Variants in EIF1AD observed in about 807,000 individuals in gnomAD.
EIF1AD encodes eukaryotic translation initiation factor 1A domain containing.
Under a neutral mutation model 21.7 loss-of-function variants are expected in EIF1AD, and 9 were observed. The observed-to-expected ratio is 0.41, with a 90% CI of 0.25 to 0.72. The LOEUF is 0.72. Ranked by LOEUF, EIF1AD falls within the 30% of genes least tolerant of loss-of-function variation. The pLI is 0.29. For missense variants in EIF1AD, 164 were observed against 199.7 expected (o/e 0.82, Z 1.08); for synonymous variants, 78 against 70.9 (o/e 1.10, Z -0.50).
chr11:65,998,745 T>G lies in EIF1AD; in HGVS notation c.354-2A>C. ...GCTGGGAGTTCTGGTTGAGTTTGTC[T>G]GCACGAAGGGAAGAGAGCAGGGTTA... On this transcript the variant is annotated splice_acceptor_variant, in intron 5 of 5. Coordinates refer to ENST00000533544, the MANE Select transcript of EIF1AD (RefSeq NM_001242481.2). LOFTEE classifies it high-confidence loss of function. 6.2e-7 allele frequency: 1 copy of G among 1,614,060 alleles called. No homozygotes were observed. The highest frequency in any genetic ancestry group is 8.5e-7 in the Non-Finnish European group (1 of 1,179,964).
chr11:66,000,057 CTT>C lies in EIF1AD; in HGVS notation c.190_191del (p.Lys64GlufsTer8). On this transcript the variant is annotated frameshift_variant, in exon 3 of 6. Transcript: ENST00000533544. LOFTEE classifies it high-confidence loss of function. ...TTACAGGAGTAATCCTCTCACCTCT[CTT>C]GATCCAGATGTTCTTGCGGTATTTG... ...PSKYRKNIWI[K>X]RGDFLIVDPI... The C allele has an allele frequency of 6.2e-7, 1 of 1,613,052 alleles. No individual in the cohort carries two copies. Among genetic ancestry groups the C allele is most frequent in the Non-Finnish European group, 8.5e-7 (1 of 1,179,020 alleles).
Position 65,999,661 on chromosome 11 carries a change from CAAT to C in EIF1AD, c.208_210del (p.Ile70del). ...TTTTCTCCCTCTTCAATGGGGTCAA[CAAT>C]GAGAAAGTCCCCTGTAGATAAGAAG... On this transcript the variant is annotated inframe_deletion, in exon 4 of 6. Transcript: ENST00000533544. 1 of 1,613,822 alleles carries C rather than the reference CAAT, an allele frequency of 6.2e-7. No homozygotes were observed. Among genetic ancestry groups the C allele is most frequent in the Non-Finnish European group, 8.5e-7 (1 of 1,179,720 alleles).
Position 66,000,293 on chromosome 11 carries a change from C to G in EIF1AD, c.87+10G>C, listed in dbSNP as rs373542164. On this transcript the variant is annotated intron_variant, in intron 2 of 5. Coordinates refer to ENST00000533544, the MANE Select transcript of EIF1AD (RefSeq NM_001242481.2). The stretch of plus-strand genomic sequence containing the variant: ...GGGGAGCAGAACAGCTTGTGCCCCA[C>G]GCCACTCACCCTGACAATCTGCTGC... 4 of 1,613,408 alleles carry G rather than the reference C, an allele frequency of 2.5e-6. No individual in the cohort carries two copies. In the East Asian group the frequency reaches 6.7e-5, roughly 27 times the overall value.
At position 66,000,422 on chromosome 11, in the gene EIF1AD, G is replaced by C; in HGVS notation, c.-33C>G. On this transcript the variant is annotated 5_prime_UTR_variant, in exon 2 of 6. Coordinates refer to ENST00000533544, the MANE Select transcript of EIF1AD (RefSeq NM_001242481.2). The stretch of plus-strand genomic sequence containing the variant: ...TCGTCCCACACTGGTTAGGAACGAA[G>C]AGACTGTCAACTCCTCCTCCTGAGT... 2.5e-6 allele frequency: 4 copies of C among 1,571,628 alleles called. No individual in the cohort carries two copies. The highest frequency in any genetic ancestry group is 2.6e-6 in the Non-Finnish European group (3 of 1,157,456).
rs1855785508 is a variant in EIF1AD at position 65,997,810 on chromosome 11, T to C, written c.*789A>G. ...AGGCAGAAGGTTACTCATGAGAATGTCAGGGCTGGTTAGAAGAATGAAGGG... is the reference window on the plus strand; with the variant it reads ...AGGCAGAAGGTTACTCATGAGAATGCCAGGGCTGGTTAGAAGAATGAAGGG... On this transcript the variant is annotated 3_prime_UTR_variant, in exon 6 of 6. Coordinates refer to ENST00000533544, the MANE Select transcript of EIF1AD (RefSeq NM_001242481.2). The C allele has an allele frequency of 6.6e-6, 1 of 152,218 alleles. No individual in the cohort carries two copies. The highest frequency in any genetic ancestry group is 1.5e-5 in the Non-Finnish European group (1 of 68,070). The allele number at this position is 152,218 out of a possible 1,614,324, so 9.4% of individuals were successfully genotyped here. A position where few individuals can be genotyped will look rare whatever the true frequency, so the allele number is the denominator to read the frequency against.
In EIF1AD at chr11:65,998,490, G is replaced by T; in HGVS notation, c.*109C>A. ...AAAGATCAGTTCAGAGAGGAGCCCT[G>T]CTTTGTCCTCATGCAGGGGTGAAGA... On this transcript the variant is annotated 3_prime_UTR_variant, in exon 6 of 6. Coordinates refer to ENST00000533544, the MANE Select transcript of EIF1AD (RefSeq NM_001242481.2). The T allele has an allele frequency of 7.1e-7, 1 of 1,399,892 alleles. No homozygotes were observed. Among genetic ancestry groups the T allele is most frequent in the Non-Finnish European group, 9.7e-7 (1 of 1,029,166 alleles). The allele number at this position is 1,399,892 out of a possible 1,614,324, so 86.7% of individuals were successfully genotyped here.
chr11:65,999,649 C>T lies in EIF1AD; in HGVS notation c.223G>A (p.Glu75Lys). ...RGDFLIVDPI[E>K]EGEKVKAEIS... ...TCAGCCTTCACCTTTTCTCCCTCTT[C>T]AATGGGGTCAACAATGAGAAAGTCC... The change falls in exon 4 of 6, where the codon GAA becomes AAA. Residue 75 changes from glutamate to lysine, a missense_variant. By Grantham distance (56) the Glu-to-Lys change is moderately conservative. Transcript: ENST00000533544. 6.2e-7 allele frequency: 1 copy of T among 1,613,882 alleles called. No homozygotes were observed. The highest frequency in any genetic ancestry group is 1.7e-5 in the Admixed American group (1 of 60,012).
chr11:65,999,236 A>C, intron 5 of EIF1AD, 114 bp downstream of exon 5: 3 of 1,369,084 alleles, frequency 2.2e-6, no homozygotes, highest in Non-Finnish European at 3.1e-6. Context: ...CATGCTTAGG[A>C]GCTCTCAACA....
intron 1 of EIF1AD, among the ~76,000 whole-genome samples, chr11:66,001,080 G>A (rs866431941): frequency 6.9e-6 from 1 of 144,760 alleles, no homozygotes; most frequent in Non-Finnish European, 1.5e-5. Context: ...GCTCCCGGCC[G>A]AATAAAAAAA....
rs767410671 is a variant in EIF1AD, at chr11:65,999,672, T to A, written c.200A>T (p.Asp67Val). The change falls in exon 4 of 6, where the codon GAC becomes GTC. Residue 67 changes from aspartate (D) to valine (V), a missense_variant. Transcript: ENST00000533544. ...TTCAATGGGGTCAACAATGAGAAAG[T>A]CCCCTGTAGATAAGAAGAGAAAAGG... ...YRKNIWIKRGDFLIVDPIEEG... is the reference protein window; with the variant it reads ...YRKNIWIKRGVFLIVDPIEEG... 6 of 1,611,758 alleles carry A rather than the reference T, an allele frequency of 3.7e-6. No homozygotes were observed. The highest frequency in any genetic ancestry group is 2.2e-5 in the East Asian group (1 of 44,876).
chr11:65,998,847 G>T, intron 5 of EIF1AD, 104 bp from the exon 6 acceptor site: 2 of 1,302,614 alleles, frequency 1.5e-6, no homozygotes, highest in Non-Finnish European at 2.1e-6. Flanking sequence ...AGCAGTCAGG[G>T]CCCTACAGCA....
chr11:66,000,186 A>G (rs368761728), intron 2 of EIF1AD, 25 bp from the exon 3 acceptor site: 2 of 1,606,424 alleles, frequency 1.2e-6, no homozygotes, highest in African/African-American at 2.7e-5. Context: ...ACCAAGAATC[A>G]GTCTCATCAG....
chr11:66,000,764 A>G (rs1332907542), intron 1 of EIF1AD: 1 of 187,788 alleles, frequency 5.3e-6, no homozygotes, highest in Non-Finnish European at 1.1e-5. Flanking sequence ...GGAAAGAAAC[A>G]GAAGTAAGAT....
chr11:66,000,497 G>A lies in EIF1AD; in HGVS notation c.-108C>T. 9.1e-7 allele frequency: 1 copy of A among 1,093,234 alleles called. No individual in the cohort carries two copies. The highest frequency in any genetic ancestry group is 1.3e-6 in the Non-Finnish European group (1 of 745,680). 67.7% of individuals were successfully genotyped at this position (1,093,234 alleles called of 1,614,324 possible). A position where few individuals can be genotyped will look rare whatever the true frequency, so the allele number is the denominator to read the frequency against. On this transcript the variant is annotated 5_prime_UTR_variant, in exon 2 of 6. Transcript: ENST00000533544. ...CAGGACTGTTCTGAAGATGGGGAGG[G>A]GCCTTTTACTGAGGGGTGACACGGT...
At chr11:66,000,869 G>C (rs1283309786) in intron 1 of EIF1AD, 1 of 162,652 alleles carries the variant, frequency 6.1e-6, no homozygotes, top group Non-Finnish European at 1.4e-5. Context: ...GGTGTTATCT[G>C]TAAATTCTAG....
intron 1 of EIF1AD, among the ~76,000 whole-genome samples, chr11:66,001,168 T>G (rs977303443): frequency 1.3e-5 from 2 of 152,088 alleles, no homozygotes; most frequent in African/African-American, 4.8e-5. Flanking sequence ...GACAATACAA[T>G]GCATGTCATG....
intron 1 of EIF1AD, among the ~76,000 whole-genome samples, chr11:66,001,527 A>G (rs1254250655): frequency 6.6e-6 from 1 of 152,104 alleles, no homozygotes; most frequent in Admixed American, 6.6e-5. Context: ...AGTGTAATAT[A>G]AAACTATACG....
In EIF1AD at chr11:65,998,444, G is replaced by A; in HGVS notation, c.*155C>T. ...ACCAGAACAAGTCACCAACCCACCAGGGGTTTAATTCTCTGAATCAAAAGA... is the reference window on the plus strand; with the variant it reads ...ACCAGAACAAGTCACCAACCCACCAAGGGTTTAATTCTCTGAATCAAAAGA... On this transcript the variant is annotated 3_prime_UTR_variant, in exon 6 of 6. Transcript: ENST00000533544. The A allele has an allele frequency of 2.2e-6, 2 of 928,146 alleles. No individual in the cohort carries two copies. Among genetic ancestry groups the A allele is most frequent in the Non-Finnish European group, 3.1e-6 (2 of 649,958 alleles). 57.5% of individuals were successfully genotyped at this position (928,146 alleles called of 1,614,324 possible).
At position 65,998,355 on chromosome 11, in the gene EIF1AD, T is replaced by A; in HGVS notation, c.*244A>T. 3.4e-6 allele frequency: 1 copy of A among 297,898 alleles called. No individual in the cohort carries two copies. The highest frequency in any genetic ancestry group is 6.3e-6 in the Non-Finnish European group (1 of 159,614). 18.5% of individuals were successfully genotyped at this position (297,898 alleles called of 1,614,324 possible). Reference sequence around the variant, plus strand: ...TCAGCCCACCCACCCACAAGGTCTCTAATAAATAGGGAGCAGTTTTTCACT... The same window carrying A: ...TCAGCCCACCCACCCACAAGGTCTCAAATAAATAGGGAGCAGTTTTTCACT... On this transcript the variant is annotated 3_prime_UTR_variant, in exon 6 of 6. Transcript: ENST00000533544.
Sources: allele counts gnomAD v4.1 joint callset (sites outside exome capture counted in the v4.1 genomes callset), GRCh38; gene constraint gnomAD v4.1.1; transcripts MANE v1.5; gene names NCBI Gene and HGNC (gene_info 2026-07-23, HGNC 2026-07-21).